Variants in NALCN observed in about 807,000 individuals in gnomAD.
NALCN encodes sodium leak channel, non-selective, also known as sodium leak channel NALCN.
A neutral mutation model predicts 225.3 loss-of-function variants in NALCN; 111 were observed. The ratio of observed to expected loss-of-function variants is 0.49; its 90% CI spans 0.42 to 0.58. The LOEUF (loss-of-function observed/expected upper bound fraction) is 0.58, where lower values mean the gene tolerates loss of function less well. NALCN is among the 20% of genes least tolerant of loss of function. NALCN has a pLI of 0.00. For missense variants in NALCN, 1,378 were observed against 2,202.4 expected, an observed-to-expected ratio of 0.63 and a Z score of 7.49; for synonymous variants, 764 against 769.0, an observed-to-expected ratio of 0.99 and a Z score of 0.11.
chr13:101,159,490 A>AT (rs2038060065), intron 15 of NALCN, among the ~76,000 whole-genome samples: 1 of 152,122 alleles, frequency 6.6e-6, no homozygotes, highest in Non-Finnish European at 1.5e-5. Flanking sequence ...CGGAGCAGAA[A>AT]TTCGCAGTAA....
intron 6 of NALCN, among the ~76,000 whole-genome samples, chr13:101,374,966 TAA>T (rs2046647177): frequency 6.6e-6 from 1 of 152,234 alleles, no homozygotes; most frequent in Admixed American, 6.5e-5. Flanking sequence ...GACTAATAAT[TAA>T]ATGACCATTA....
Position 101,103,290 on chromosome 13 carries a change from G to A in NALCN, c.2939C>T (p.Ser980Leu), listed in dbSNP as rs748664264. ...CWMPQNVPAESGAQLLMVLRC... is the reference protein window; with the variant it reads ...CWMPQNVPAELGAQLLMVLRC... ...AAGGACCATTAGAAGCTGAGCTCCCGATTCAGCAGGTACATTTTGAGGCAT... is the reference window on the plus strand; with the variant it reads ...AAGGACCATTAGAAGCTGAGCTCCCAATTCAGCAGGTACATTTTGAGGCAT... The change falls in exon 26 of 44, where the codon TCG becomes TTG. Residue 980 changes from serine (S) to leucine (L), a missense_variant. Physicochemically the swap from Ser to Leu is moderately radical, Grantham distance 145. Transcript: ENST00000251127. The A allele has an allele frequency of 8.7e-6, 14 of 1,613,720 alleles. No individual in the cohort carries two copies. The highest frequency in any genetic ancestry group is 1.6e-4 in the Middle Eastern group (1 of 6,080).
chr13:101,395,266 C>T lies in NALCN; in HGVS notation c.208G>A (p.Val70Met). 1 of 1,614,040 alleles carries T rather than the reference C, an allele frequency of 6.2e-7. No homozygotes were observed. Among genetic ancestry groups the T allele is most frequent in the Non-Finnish European group, 8.5e-7 (1 of 1,179,954 alleles). ...AATAATGTATCCAAAGTGAAGGTCA[C>T]ATACTGAAGTGGAGGATAGTGCTCG... ...TFEHYPPLQY[V>M]TFTLDTLLMF... Residue 70 changes from valine (V) to methionine (M), a missense_variant, in exon 3 of 44, where the codon GTG (valine) becomes ATG (methionine). This residue lies in a region of NALCN where 146 missense variants were observed against 205.9 expected (regional missense o/e 0.71). Coordinates refer to ENST00000251127, the MANE Select transcript of NALCN (RefSeq NM_052867.4).
chr13:101,078,014 A>G (rs1299779213), intron 34 of NALCN, among the ~76,000 whole-genome samples: 1 of 152,216 alleles, frequency 6.6e-6, no homozygotes, highest in Non-Finnish European at 1.5e-5. Flanking sequence ...TGCTTCAAAG[A>G]GTGCAAGCCC....
intron 17 of NALCN, among the ~76,000 whole-genome samples, chr13:101,137,642 C>T (rs1176715073): frequency 6.6e-6 from 1 of 152,074 alleles, no homozygotes; most frequent in Non-Finnish European, 1.5e-5. Context: ...AAATCAAACT[C>T]TAAAAAAATC....
intron 6 of NALCN, among the ~76,000 whole-genome samples, chr13:101,350,478 G>T (rs1281066017): frequency 1.3e-5 from 2 of 151,762 alleles, no homozygotes; most frequent in African/African-American, 4.8e-5. Context: ...AACTTCTCAA[G>T]GTACCCTCAC....
intron 37 of NALCN, among the ~76,000 whole-genome samples, chr13:101,071,369 T>C (rs1429664250): frequency 3.3e-5 from 5 of 152,216 alleles, no homozygotes; most frequent in African/African-American, 7.2e-5. Context: ...TTTGTCTACA[T>C]TGAAAATCCA....
At chr13:101,085,694 A>C (rs1405801691) in intron 30 of NALCN, among the ~76,000 whole-genome samples, 4 of 152,206 alleles carry the variant, frequency 2.6e-5, no homozygotes, top group African/African-American at 4.8e-5. Flanking sequence ...GCTGATTAAA[A>C]ATAATAAAGG....
intron 2 of NALCN, among the ~76,000 whole-genome samples, chr13:101,397,193 A>G (rs1296031329): frequency 3.3e-5 from 5 of 149,276 alleles, no homozygotes; most frequent in African/African-American, 1.2e-4. Context: ...GTAAATACAC[A>G]TACATGTAAA....
intron 1 of NALCN, 43 bp from the exon 2 acceptor site, chr13:101,399,208 C>A (rs576419495): frequency 6.6e-7 from 1 of 1,510,520 alleles, no homozygotes; most frequent in Non-Finnish European, 9.0e-7. Flanking sequence ...AACCATCTTG[C>A]CCTCATCAAA....
At chr13:101,130,540 GT>G (rs2036468076) in intron 17 of NALCN, among the ~76,000 whole-genome samples, 1 of 152,086 alleles carries the variant, frequency 6.6e-6, no homozygotes, top group Non-Finnish European at 1.5e-5. Flanking sequence ...AAGATTACTT[GT>G]ATCTTACATT....
intron 7 of NALCN, among the ~76,000 whole-genome samples, chr13:101,340,073 C>G (rs758223893): frequency 6.6e-6 from 1 of 151,722 alleles, no homozygotes; most frequent in Non-Finnish European, 1.5e-5. Context: ...CGAGACCCTC[C>G]TGGCTAACAC....
chr13:101,267,865 G>T (rs1332701883), intron 10 of NALCN, among the ~76,000 whole-genome samples: 1 of 152,214 alleles, frequency 6.6e-6, no homozygotes. Context: ...AGGATGCCTT[G>T]TGGTTTAGCA....
At position 101,209,585 on chromosome 13, in the gene NALCN, C is replaced by G. The variant is rs113984504; in HGVS notation, c.1627-17531G>C. Among the ~76,000 whole-genome samples the G allele has an allele frequency of 3.5e-3, 528 of 152,248 alleles. 3 individuals carry two copies. Among genetic ancestry groups the G allele is most frequent in the African/African-American group, 0.011 (474 of 41,554 alleles). On this transcript the variant is annotated intron_variant, in intron 13 of 43. Coordinates refer to ENST00000251127, the MANE Select transcript of NALCN (RefSeq NM_052867.4). Reference sequence around the variant, plus strand: ...CCGGACACATTATATTCTGTTAGAACAAGGCCAAATATAATAAACATTTCT... The same window carrying G: ...CCGGACACATTATATTCTGTTAGAAGAAGGCCAAATATAATAAACATTTCT...
intron 11 of NALCN, among the ~76,000 whole-genome samples, chr13:101,238,170 T>A (rs532019687): frequency 6.6e-6 from 1 of 152,044 alleles, no homozygotes; most frequent in South Asian, 2.1e-4. Flanking sequence ...TGGCATTATT[T>A]CTTTATTATC....
chr13:101,232,333 G>A (rs1327619999), intron 12 of NALCN, among the ~76,000 whole-genome samples: 1 of 151,956 alleles, frequency 6.6e-6, no homozygotes, highest in East Asian at 1.9e-4. Flanking sequence ...ACTAAAGCAT[G>A]TTTCCTTCAT....
At chr13:101,386,713 G>T (rs1160361283) in intron 3 of NALCN, among the ~76,000 whole-genome samples, 1 of 152,030 alleles carries the variant, frequency 6.6e-6, no homozygotes, top group Admixed American at 6.6e-5. Flanking sequence ...TCTGGGTTTG[G>T]TTTGTCGTGC....
intron 41 of NALCN, among the ~76,000 whole-genome samples, chr13:101,061,423 C>G (rs2031928648): frequency 6.6e-6 from 1 of 151,190 alleles, no homozygotes; most frequent in Non-Finnish European, 1.5e-5. Flanking sequence ...ACTGTGTCAC[C>G]CAGGCTGGAG....
chr13:101,370,894 T>TA (rs2046521253), intron 6 of NALCN, among the ~76,000 whole-genome samples: 1 of 152,184 alleles, frequency 6.6e-6, no homozygotes, highest in Admixed American at 6.6e-5. Context: ...GGCCCCTTTG[T>TA]AATCCCTTAA....
Sources: gnomAD v4.1 joint callset for allele counts (sites outside exome capture counted in the v4.1 genomes callset) on GRCh38, gnomAD v4.1.1 for gene constraint, gnomAD v4.1.1 regional missense constraint, MANE v1.5 for transcripts, NCBI Gene and HGNC (gene_info 2026-07-23, HGNC 2026-07-21) for gene names.